The following NAALAD2 variants were observed in gnomAD, a reference collection of about 807,000 sequenced individuals.
The protein encoded by NAALAD2 is N-acetylated alpha-linked acidic dipeptidase 2, also known as N-acetylated-alpha-linked acidic dipeptidase 2.
In NAALAD2, 89 loss-of-function variants were observed where a neutral mutation model predicts 95.6. That is an observed-to-expected ratio of 0.93 (90% CI 0.78 to 1.11). The LOEUF (loss-of-function observed/expected upper bound fraction) is 1.11, where lower values mean the gene tolerates loss of function less well. NAALAD2 is among the 50% of genes least tolerant of loss of function. The pLI, the probability that NAALAD2 is intolerant of heterozygous loss-of-function variation, is 0.00. For missense variants in NAALAD2, 894 were observed against 872.4 expected, an observed-to-expected ratio of 1.02 and a Z score of -0.31; for synonymous variants, 264 against 294.4, an observed-to-expected ratio of 0.90 and a Z score of 1.06.
In NAALAD2 at chr11:90,191,953, G is replaced by A. The variant is rs1194040164; in HGVS notation, c.*206G>A. On this transcript the variant is annotated 3_prime_UTR_variant, in exon 19 of 19. Coordinates refer to ENST00000534061, the MANE Select transcript of NAALAD2 (RefSeq NM_005467.4). ...ATTAGCAAAGTGTTAATCTAATGAAGTAAAAAACTCCTGTGTGGCAGAAAG... is the reference window on the plus strand; with the variant it reads ...ATTAGCAAAGTGTTAATCTAATGAAATAAAAAACTCCTGTGTGGCAGAAAG... 3.1e-6 allele frequency: 1 copy of A among 323,198 alleles called. No individual in the cohort carries two copies. Among genetic ancestry groups the A allele is most frequent in the Non-Finnish European group, 5.5e-6 (1 of 180,664 alleles). 20.0% of individuals were successfully genotyped at this position (323,198 alleles called of 1,614,324 possible).
chr11:90,138,853 A>G (rs1951525765), intron 2 of NAALAD2, among the ~76,000 whole-genome samples: 1 of 149,124 alleles, frequency 6.7e-6, no homozygotes, highest in Admixed American at 6.8e-5. Flanking sequence ...TTTCTTTAGC[A>G]GGAATTTGTT....
chr11:90,158,607 T>C (rs947894156), intron 7 of NAALAD2: 1 of 185,876 alleles, frequency 5.4e-6, no homozygotes, highest in South Asian at 1.2e-4. Context: ...AGGTATGACC[T>C]TGGATCAGTT....
chr11:90,169,760 C>G, intron 12 of NAALAD2: 1 of 300,728 alleles, frequency 3.3e-6, no homozygotes, highest in East Asian at 7.7e-5. Context: ...ATTAATGCTA[C>G]AGACTTACCA....
In NAALAD2 at chr11:90,150,494, T is replaced by A. The variant is rs1444687145; in HGVS notation, c.496T>A (p.Tyr166Asn). ...AQGMPEGDLVYVNYARTEDFF... is the reference protein window; with the variant it reads ...AQGMPEGDLVNVNYARTEDFF... ...CTTTTCCCTATAGGGAGATCTTGTA[T>A]ATGTGAACTATGCTCGCACTGAAGA... Residue 166 changes from tyrosine to asparagine, a missense_variant, in exon 5 of 19, where the codon TAT becomes AAT. Coordinates refer to ENST00000534061, the MANE Select transcript of NAALAD2 (RefSeq NM_005467.4). 1 of 1,605,828 alleles carries A rather than the reference T, an allele frequency of 6.2e-7. No individual in the cohort carries two copies. The highest frequency in any genetic ancestry group is 8.5e-7 in the Non-Finnish European group (1 of 1,174,208).
At chr11:90,179,948 C>T (rs779980522) in intron 16 of NAALAD2, among the ~76,000 whole-genome samples, 2 of 152,074 alleles carry the variant, frequency 1.3e-5, no homozygotes, top group Non-Finnish European at 2.9e-5. Flanking sequence ...TTTTCTATTT[C>T]AAAAACATTT....
At chr11:90,184,461 G>A (rs1857063094) in intron 18 of NAALAD2, among the ~76,000 whole-genome samples, 1 of 151,878 alleles carries the variant, frequency 6.6e-6, no homozygotes, top group African/African-American at 2.4e-5. Flanking sequence ...ACAAATGTTT[G>A]TTTCTTCATT....
In NAALAD2 at chr11:90,160,329, A is replaced by G. The variant is rs558551249; in HGVS notation, c.989+992A>G. On this transcript the variant is annotated intron_variant, in intron 8 of 18. Coordinates refer to ENST00000534061, the MANE Select transcript of NAALAD2 (RefSeq NM_005467.4). Reference sequence around the variant, plus strand: ...ACTTCAAGAAGTTTGATTTGCCTGAAATGTGATGGGAGAGAGAAATGTAAC... The same window carrying G: ...ACTTCAAGAAGTTTGATTTGCCTGAGATGTGATGGGAGAGAGAAATGTAAC... Among the ~76,000 whole-genome samples the G allele has an allele frequency of 5.9e-5, 9 of 152,296 alleles. No homozygotes were observed. In the South Asian group the frequency reaches 1.9e-3, roughly 32 times the overall value.
At chr11:90,138,928 T>G (rs1248500566) in intron 2 of NAALAD2, among the ~76,000 whole-genome samples, 1 of 151,880 alleles carries the variant, frequency 6.6e-6, no homozygotes, top group Non-Finnish European at 1.5e-5. Context: ...ATAATGTAAT[T>G]TTTTTCAGAA....
upstream of NAALAD2, among the ~76,000 whole-genome samples, chr11:90,133,208 G>C (rs968334589): frequency 2.6e-5 from 4 of 152,130 alleles, no homozygotes; most frequent in African/African-American, 9.7e-5. Flanking sequence ...TACCATCTTT[G>C]AAATCAACAT....
chr11:90,155,363 A>AT (rs1952043625), intron 6 of NAALAD2, among the ~76,000 whole-genome samples: 1 of 96,360 alleles, frequency 1.0e-5, no homozygotes, highest in East Asian at 3.9e-4. Flanking sequence ...TACATGTATA[A>AT]TATGTAATAT....
intron 18 of NAALAD2, among the ~76,000 whole-genome samples, chr11:90,185,450 C>T (rs745486918): frequency 4.6e-5 from 7 of 152,018 alleles, no homozygotes; most frequent in African/African-American, 1.7e-4. Context: ...AAAGGAGGAT[C>T]GCTTGAGGCC....
At chr11:90,145,474 G>A (rs1408472581) in intron 2 of NAALAD2, among the ~76,000 whole-genome samples, 1 of 152,116 alleles carries the variant, frequency 6.6e-6, no homozygotes, top group African/African-American at 2.4e-5. Context: ...ATAATGAATT[G>A]TATAAAGTAG....
Position 90,150,495 on chromosome 11 carries a change from A to C in NAALAD2, c.497A>C (p.Tyr166Ser). 1 of 1,605,694 alleles carries C rather than the reference A, an allele frequency of 6.2e-7. No homozygotes were observed. The highest frequency in any genetic ancestry group is 8.5e-7 in the Non-Finnish European group (1 of 1,174,384). The change falls in exon 5 of 19, where the codon TAT becomes TCT. Residue 166 changes from tyrosine (Y) to serine (S), a missense_variant. Coordinates refer to ENST00000534061, the MANE Select transcript of NAALAD2 (RefSeq NM_005467.4). ...AQGMPEGDLV[Y>S]VNYARTEDFF... is the part of the protein sequence containing the mutation. ...TTTTCCCTATAGGGAGATCTTGTAT[A>C]TGTGAACTATGCTCGCACTGAAGAC...
intron 2 of NAALAD2, among the ~76,000 whole-genome samples, chr11:90,138,725 CTTTTTTTTTTTTTTTTTTTTTTTTT>C (rs562496549): frequency 1.6e-5 from 1 of 61,486 alleles, no homozygotes; most frequent in Non-Finnish European, 3.2e-5. Context: ...CATCCCTCAA[CTTTTTTTTTTTTTTTTTTTTTTTTT>C]TTTTTTTTTG....
At chr11:90,151,114 A>G (rs1400020222) in intron 5 of NAALAD2, among the ~76,000 whole-genome samples, 1 of 152,094 alleles carries the variant, frequency 6.6e-6, no homozygotes, top group Non-Finnish European at 1.5e-5. Context: ...AGAGTATAGA[A>G]CCCTAGATCC....
intron 15 of NAALAD2, among the ~76,000 whole-genome samples, chr11:90,177,109 T>A (rs755321847): frequency 2.0e-5 from 3 of 152,066 alleles, no homozygotes; most frequent in Non-Finnish European, 4.4e-5. Context: ...AGGTGGCAAA[T>A]AATAAAAACT....
intron 2 of NAALAD2, among the ~76,000 whole-genome samples, chr11:90,136,274 TA>T (rs1298963670): frequency 1.3e-5 from 2 of 152,194 alleles, no homozygotes; most frequent in Non-Finnish European, 2.9e-5. Flanking sequence ...AAATGGGTGT[TA>T]TTTTTTAAAA....
intron 18 of NAALAD2, among the ~76,000 whole-genome samples, chr11:90,190,656 T>A (rs940277623): frequency 3.3e-5 from 5 of 152,122 alleles, no homozygotes; most frequent in African/African-American, 1.2e-4. Flanking sequence ...ACTTAGCACA[T>A]AAACTGATTT....
At position 90,182,923 on chromosome 11, in the gene NAALAD2, G is replaced by A. The variant is rs951731822; in HGVS notation, c.1948G>A (p.Ala650Thr). 1 of 1,608,450 alleles carries A rather than the reference G, an allele frequency of 6.2e-7. No individual in the cohort carries two copies. The highest frequency in any genetic ancestry group is 1.3e-5 in the African/African-American group (1 of 74,906). ...LIQVDLNNPI[A>T]VRMMNDQLML... Reference sequence around the variant, plus strand: ...TATATGTTCTTCTCGAAGTCCCATTGCAGTGAGAATGATGAATGACCAACT... The same window carrying A: ...TATATGTTCTTCTCGAAGTCCCATTACAGTGAGAATGATGAATGACCAACT... Residue 650 changes from alanine (A) to threonine (T), a missense_variant, in exon 18 of 19, where the codon GCA becomes ACA. Ala to Thr is a moderately conservative substitution (Grantham distance 58). Transcript: ENST00000534061.
Sources: gnomAD v4.1 joint callset for allele counts (sites outside exome capture counted in the v4.1 genomes callset) on GRCh38, gnomAD v4.1.1 for gene constraint, MANE v1.5 for transcripts, NCBI Gene and HGNC (gene_info 2026-07-23, HGNC 2026-07-21) for gene names.